Variants in ERC2 observed in about 807,000 individuals in gnomAD.
The protein encoded by ERC2 is ERC protein 2.
ERC2 carries 42 observed loss-of-function variants against 114.8 expected under a neutral mutation model. That is an observed-to-expected ratio of 0.37 (90% CI 0.29 to 0.47). ERC2 has a LOEUF of 0.47. ERC2 is among the 20% of genes least tolerant of loss of function. The pLI, the probability that ERC2 is intolerant of heterozygous loss-of-function variation, is 0.99. For synonymous variants in ERC2, 454 were observed against 425.5 expected (o/e 1.07, Z -0.82); for missense variants, 939 against 1,150.7 (o/e 0.82, Z 2.66).
chr3:55,627,249 C>A (rs2059554661), intron 17 of ERC2, among the ~76,000 whole-genome samples: 1 of 152,164 alleles, frequency 6.6e-6, no homozygotes, highest in Admixed American at 6.5e-5. Flanking sequence ...GGGCAGATCA[C>A]CTGAGGTCAG....
intron 14 of ERC2, among the ~76,000 whole-genome samples, chr3:55,827,543 A>G (rs2060381831): frequency 6.6e-6 from 1 of 152,196 alleles, no homozygotes; most frequent in African/African-American, 2.4e-5. Flanking sequence ...TAATTCATAA[A>G]TGCCACTGCA....
At chr3:55,811,069 C>T (rs377579656) in intron 14 of ERC2, among the ~76,000 whole-genome samples, 1 of 152,298 alleles carries the variant, frequency 6.6e-6, no homozygotes, top group East Asian at 1.9e-4. Context: ...GGTTCTATAT[C>T]TGCACTATCT....
intron 2 of ERC2, among the ~76,000 whole-genome samples, chr3:56,380,801 TG>T (rs1244631158): frequency 6.6e-6 from 1 of 152,174 alleles, no homozygotes; most frequent in Non-Finnish European, 1.5e-5. Flanking sequence ...ATCAAACACA[TG>T]GGAAACAGAA....
chr3:55,793,033 G>A (rs2070177402), intron 14 of ERC2, among the ~76,000 whole-genome samples: 1 of 152,134 alleles, frequency 6.6e-6, no homozygotes, highest in South Asian at 2.1e-4. Flanking sequence ...CAATATTTGT[G>A]CTAAGATAAC....
rs1254555981 is a variant in ERC2, at chr3:55,648,672, T to C, written c.*39+35122A>G. Among the ~76,000 whole-genome samples, 5 of 152,138 alleles carry C rather than the reference T, an allele frequency of 3.3e-5. No homozygotes were observed. In the East Asian group the frequency reaches 7.7e-4, roughly 23 times the overall value. On this transcript the variant is annotated intron_variant, in intron 17 of 17. Transcript: ENST00000288221. ...AGAGGAAGGTGCAAAGAAAGCCCCA[T>C]GGAGAAAGACCATCAGATCCAGAGT...
At chr3:55,919,567 C>T (rs1036876979) in intron 13 of ERC2, among the ~76,000 whole-genome samples, 6 of 152,138 alleles carry the variant, frequency 3.9e-5, no homozygotes, top group African/African-American at 1.4e-4. Context: ...ATCTGGAATA[C>T]ACCCCCACAA....
chr3:55,816,630 T>A (rs2059912946), intron 14 of ERC2, among the ~76,000 whole-genome samples: 1 of 152,180 alleles, frequency 6.6e-6, no homozygotes, highest in African/African-American at 2.4e-5. Flanking sequence ...TTTCCGCACA[T>A]AATTCCCATT....
intron 3 of ERC2, among the ~76,000 whole-genome samples, chr3:56,244,660 A>C (rs1323241557): frequency 6.6e-6 from 1 of 152,232 alleles, no homozygotes; most frequent in Non-Finnish European, 1.5e-5. Context: ...TAAAGTAAGA[A>C]TATAAGGAAA....
intron 3 of ERC2, among the ~76,000 whole-genome samples, chr3:56,244,056 A>G (rs1398248632): frequency 6.6e-6 from 1 of 152,190 alleles, no homozygotes. Context: ...TACATATTAT[A>G]TATTAAATAT....
intron 10 of ERC2, among the ~76,000 whole-genome samples, chr3:55,999,813 T>C (rs2071890413): frequency 6.6e-6 from 1 of 151,536 alleles, no homozygotes; most frequent in Admixed American, 6.6e-5. Flanking sequence ...AATTATTTTA[T>C]AGATTAAATA....
intron 2 of ERC2, among the ~76,000 whole-genome samples, chr3:56,337,551 G>A (rs921260077): frequency 1.3e-5 from 2 of 152,182 alleles, no homozygotes; most frequent in African/African-American, 2.4e-5. Flanking sequence ...CACTTAGCTA[G>A]TAAGCACTAA....
intron 17 of ERC2, among the ~76,000 whole-genome samples, chr3:55,512,954 G>A (rs1361859288): frequency 2.6e-5 from 4 of 152,162 alleles, no homozygotes; most frequent in Non-Finnish European, 5.9e-5. Context: ...CTTCTGGGGG[G>A]GCAAAGAAGC....
chr3:55,775,893 C>T (rs1462948907), intron 14 of ERC2, among the ~76,000 whole-genome samples: 1 of 152,166 alleles, frequency 6.6e-6, no homozygotes, highest in Non-Finnish European at 1.5e-5. Flanking sequence ...TTGGCTTCCC[C>T]AGGGGCAGTC....
At chr3:56,374,489 C>T (rs2059467237) in intron 2 of ERC2, among the ~76,000 whole-genome samples, 2 of 152,156 alleles carry the variant, frequency 1.3e-5, no homozygotes, top group Non-Finnish European at 2.9e-5. Context: ...TACTCTATGC[C>T]AGGCTATGTG....
At chr3:55,846,066 A>T (rs1320951062) in intron 14 of ERC2, among the ~76,000 whole-genome samples, 2 of 152,200 alleles carry the variant, frequency 1.3e-5, no homozygotes, top group African/African-American at 4.8e-5. Flanking sequence ...TGTCACAGGG[A>T]TTTATTGTAC....
chr3:56,459,015 A>G (rs2107558353), intron 1 of ERC2, among the ~76,000 whole-genome samples: 1 of 152,272 alleles, frequency 6.6e-6, no homozygotes, highest in Non-Finnish European at 1.5e-5. Context: ...CACCAGTATC[A>G]CTGAGAAAAT....
At chr3:56,441,260 A>G (rs957218275) in intron 1 of ERC2, among the ~76,000 whole-genome samples, 7 of 152,140 alleles carry the variant, frequency 4.6e-5, no homozygotes, top group African/African-American at 1.7e-4. Flanking sequence ...GCACCAAAAC[A>G]CCAATCCAGT....
At chr3:56,003,029 A>C in intron 10 of ERC2, 31 of 1,151,494 alleles carry the variant, frequency 2.7e-5, no homozygotes, top group Non-Finnish European at 3.4e-5. Context: ...AGTATGGCAC[A>C]CCGTGACTGG....
rs946104907 is a variant in ERC2, at chr3:56,171,735, CAA to C, written c.1149+1709_1149+1710del. On this transcript the variant is annotated intron_variant, in intron 4 of 17. Coordinates refer to ENST00000288221, the MANE Select transcript of ERC2 (RefSeq NM_015576.3). ...CAGATTTTTCTACTTTAAAAAGTCA[CAA>C]AAAAAGGTACCAATTATCTTTGTAT... Among the ~76,000 whole-genome samples, 16 of 150,490 alleles carry C rather than the reference CAA, an allele frequency of 1.1e-4. No homozygotes were observed. The East Asian group carries it at 3.1e-3, about 29-fold the overall frequency.
Sources: allele counts gnomAD v4.1 joint callset (sites outside exome capture counted in the v4.1 genomes callset), GRCh38; gene constraint gnomAD v4.1.1; transcripts MANE v1.5; gene names NCBI Gene and HGNC (gene_info 2026-07-23, HGNC 2026-07-21).